The following SPECC1L variants were observed in gnomAD, a reference collection of about 807,000 sequenced individuals.
SPECC1L encodes the protein sperm antigen with calponin homology and coiled-coil domains 1 like, also known as cytospin-A.
In SPECC1L, 40 loss-of-function variants were observed where a neutral mutation model predicts 116.8. That is an observed-to-expected ratio of 0.34 (90% confidence interval 0.27 to 0.45). The LOEUF is 0.45. Among genes scored for constraint, SPECC1L ranks in the 20% least tolerant of loss-of-function variants. The probability of loss-of-function intolerance (pLI) is 1.00; values close to 1 mark genes in which losing one functional copy is unlikely to be tolerated. For synonymous variants in SPECC1L, 504 were observed against 500.6 expected, an observed-to-expected ratio of 1.01 and a Z score of -0.09; for missense variants, 1,110 against 1,373.6, an observed-to-expected ratio of 0.81 and a Z score of 3.03.
rs1374116726 is a variant in SPECC1L at position 24,383,116 on chromosome 22, C to A, written c.3087+13796C>A. ...AAATATTCGAGGCCTTCGGTTGAGACCTCAAAAGAATTATGTCCTACAAAT... is the reference window on the plus strand; with the variant it reads ...AAATATTCGAGGCCTTCGGTTGAGAACTCAAAAGAATTATGTCCTACAAAT... On this transcript the variant is annotated intron_variant, in intron 14 of 16. Coordinates refer to ENST00000314328, the MANE Select transcript of SPECC1L (RefSeq NM_015330.6). 2.0e-5 allele frequency among the ~76,000 whole-genome samples: 3 copies of A among 152,096 alleles called. No homozygotes were observed. In the East Asian group the frequency reaches 5.8e-4, roughly 29 times the overall value.
At chr22:24,395,648 C>A (rs900710825) in intron 14 of SPECC1L, among the ~76,000 whole-genome samples, 2 of 151,738 alleles carry the variant, frequency 1.3e-5, no homozygotes, top group African/African-American at 2.4e-5. Context: ...ATTTTTTTTT[C>A]TCTTTTTCAG....
At chr22:24,360,401 G>T (rs1481905164) in intron 11 of SPECC1L, among the ~76,000 whole-genome samples, 1 of 152,188 alleles carries the variant, frequency 6.6e-6, no homozygotes, top group African/African-American at 2.4e-5. Context: ...CCCTATTTGG[G>T]TTCTCAGTGC....
At chr22:24,390,872 C>CTTTTTTTTTTTTTTTTTTTTTTTTTTTTT (rs1016008966) in intron 14 of SPECC1L, among the ~76,000 whole-genome samples, 2 of 57,110 alleles carry the variant, frequency 3.5e-5, no homozygotes, top group African/African-American at 7.6e-5. Context: ...TTTTTCTTTT[C>CTTTTTTTTTTTTTTTTTTTTTTTTTTTTT]TTTTTTTTTT....
chr22:24,319,972 G>GT (rs2040688023), intron 4 of SPECC1L, among the ~76,000 whole-genome samples: 1 of 152,164 alleles, frequency 6.6e-6, no homozygotes, highest in South Asian at 2.1e-4. Flanking sequence ...GCTCACGCCT[G>GT]TAAGTGCGGT....
At chr22:24,375,775 A>G (rs2041959448) in intron 14 of SPECC1L, among the ~76,000 whole-genome samples, 1 of 152,132 alleles carries the variant, frequency 6.6e-6, no homozygotes, top group Non-Finnish European at 1.5e-5. Context: ...GCAACATGCA[A>G]AACTCCATCT....
chr22:24,366,360 A>AT (rs1238630962), intron 13 of SPECC1L, among the ~76,000 whole-genome samples: 1 of 151,864 alleles, frequency 6.6e-6, no homozygotes, highest in Non-Finnish European at 1.5e-5. Context: ...CGCCCGGCTA[A>AT]TTTTTTGTGT....
intron 13 of SPECC1L, among the ~76,000 whole-genome samples, chr22:24,365,886 G>A (rs934471557): frequency 2.7e-5 from 4 of 146,614 alleles, no homozygotes; most frequent in Non-Finnish European, 6.0e-5. Flanking sequence ...CATGCAAAAC[G>A]AAGTATTATG....
At chr22:24,391,544 C>T (rs2042274094) in intron 14 of SPECC1L, among the ~76,000 whole-genome samples, 2 of 152,142 alleles carry the variant, frequency 1.3e-5, no homozygotes, top group African/African-American at 4.8e-5. Flanking sequence ...GGAGTGGAGG[C>T]CTTGTATACA....
At chr22:24,383,516 T>C (rs1044693805) in intron 14 of SPECC1L, among the ~76,000 whole-genome samples, 1 of 152,146 alleles carries the variant, frequency 6.6e-6, no homozygotes, top group Admixed American at 6.5e-5. Context: ...GATCCAGATA[T>C]TGGAACCCTT....
chr22:24,363,988 G>GT (rs2041697184), intron 12 of SPECC1L, among the ~76,000 whole-genome samples: 1 of 152,128 alleles, frequency 6.6e-6, no homozygotes, highest in Admixed American at 6.6e-5. Flanking sequence ...TTACTGACAT[G>GT]TAACATGGAT....
At chr22:24,409,998 G>A (rs893529088) in intron 14 of SPECC1L, among the ~76,000 whole-genome samples, 1 of 152,376 alleles carries the variant, frequency 6.6e-6, no homozygotes. Flanking sequence ...TCCAGCTTGG[G>A]TGACAGAGAG....
intron 14 of SPECC1L, among the ~76,000 whole-genome samples, chr22:24,387,949 CCAA>C (rs1195682565): frequency 2.0e-5 from 3 of 152,168 alleles, no homozygotes; most frequent in Admixed American, 6.5e-5. Flanking sequence ...ATCTTCAAAG[CCAA>C]CAACAACTGG....
chr22:24,368,622 T>C (rs2041816651), intron 13 of SPECC1L, among the ~76,000 whole-genome samples: 2 of 152,264 alleles, frequency 1.3e-5, no homozygotes, highest in African/African-American at 4.8e-5. Context: ...AATGATGAGA[T>C]GGTAAAGGAC....
At chr22:24,286,531 C>A (rs1229382437) in intron 2 of SPECC1L, among the ~76,000 whole-genome samples, 1 of 152,154 alleles carries the variant, frequency 6.6e-6, no homozygotes, top group Non-Finnish European at 1.5e-5. Context: ...GGCATTTTAA[C>A]AAGGAAGTAT....
chr22:24,324,070 T>A, intron 5 of SPECC1L, 150 bp from the exon 6 acceptor site: 1 of 668,696 alleles, frequency 1.5e-6, no homozygotes, highest in Non-Finnish European at 2.7e-6. Flanking sequence ...TGCTTTTTCA[T>A]ACTTTTTAAC....
At chr22:24,275,709 CT>C in intron 1 of SPECC1L, among the ~76,000 whole-genome samples, 1 of 152,078 alleles carries the variant, frequency 6.6e-6, no homozygotes, top group Admixed American at 6.5e-5. Flanking sequence ...CATTATTCAA[CT>C]TTTTTTATTT....
Position 24,393,848 on chromosome 22 carries a change from C to G in SPECC1L, c.3088-17740C>G, listed in dbSNP as rs550506291. On this transcript the variant is annotated intron_variant, in intron 14 of 16. Coordinates refer to ENST00000314328, the MANE Select transcript of SPECC1L (RefSeq NM_015330.6). ...TACTGCCGTCATCCTGCTTCTCCCC[C>G]ACATTTCCCATCCCCACACAGCCAC... Among the ~76,000 whole-genome samples the G allele has an allele frequency of 6.1e-4, 93 of 152,288 alleles. 1 individual carries two copies. The South Asian group carries it at 0.019, about 31-fold the overall frequency.
At chr22:24,285,954 G>T (rs1004450974) in intron 2 of SPECC1L, among the ~76,000 whole-genome samples, 1 of 152,140 alleles carries the variant, frequency 6.6e-6, no homozygotes, top group Non-Finnish European at 1.5e-5. Flanking sequence ...GTTCTTTTTT[G>T]AAAAGAAAAT....
At chr22:24,399,580 A>C (rs1008650101) in intron 14 of SPECC1L, among the ~76,000 whole-genome samples, 23 of 149,276 alleles carry the variant, frequency 1.5e-4, no homozygotes, top group Non-Finnish European at 1.6e-4. Flanking sequence ...CAAAAAAAAC[A>C]AAAAAAAAAG....
Sources: allele counts gnomAD v4.1 joint callset (sites outside exome capture counted in the v4.1 genomes callset), GRCh38; gene constraint gnomAD v4.1.1; transcripts MANE v1.5; gene names NCBI Gene and HGNC (gene_info 2026-07-23, HGNC 2026-07-21).